BAZ2B: variants seen among roughly 807,000 people sequenced by gnomAD.
BAZ2B encodes bromodomain adjacent to zinc finger domain 2B.
BAZ2B carries 91 observed loss-of-function variants against 246.0 expected under a neutral mutation model. The ratio of observed to expected loss-of-function variants is 0.37; its 90% CI spans 0.31 to 0.44. The LOEUF is 0.44. Among genes scored for constraint, BAZ2B ranks in the 20% least tolerant of loss-of-function variants. The pLI, the probability that BAZ2B is intolerant of heterozygous loss-of-function variation, is 1.00. For synonymous variants in BAZ2B, 855 were observed against 860.0 expected, an observed-to-expected ratio of 0.99 and a Z score of 0.10; for missense variants, 2,332 against 2,533.7, an observed-to-expected ratio of 0.92 and a Z score of 1.71.
rs549201931 is a variant in BAZ2B, at chr2:159,605,844, T to C, written c.-46+10398A>G. Among the ~76,000 whole-genome samples the C allele has an allele frequency of 5.9e-5, 9 of 152,344 alleles. No homozygotes were observed. In the South Asian group the frequency reaches 8.3e-4, roughly 14 times the overall value. On this transcript the variant is annotated intron_variant, in intron 1 of 36. Transcript: ENST00000392783. ...TTTCACACACAGTACAAAAACATTT[T>C]CACGTTCTTTAAAACAATTCTTCTC...
the BAZ2B span, among the ~76,000 whole-genome samples, chr2:159,629,517 C>T: frequency 1.3e-5 from 2 of 152,300 alleles, no homozygotes; most frequent in African/African-American, 4.8e-5. Flanking sequence ...AGTTCATGTC[C>T]TTTGCAGGCA....
At chr2:159,709,034 T>C in the BAZ2B span, among the ~76,000 whole-genome samples, 1 of 152,272 alleles carries the variant, frequency 6.6e-6, no homozygotes, top group East Asian at 1.9e-4. Flanking sequence ...GAGTTTATTA[T>C]TTTTGTTATG....
At chr2:159,649,592 C>G in the BAZ2B span, among the ~76,000 whole-genome samples, 16 of 152,244 alleles carry the variant, frequency 1.1e-4, no homozygotes, top group African/African-American at 3.4e-4. Flanking sequence ...GGGACCCCTG[C>G]TGTAGGTCAT....
At chr2:159,546,058 A>C (rs965451562) in intron 2 of BAZ2B, among the ~76,000 whole-genome samples, 1 of 152,210 alleles carries the variant, frequency 6.6e-6, no homozygotes, top group African/African-American at 2.4e-5. Flanking sequence ...GAATCATTAT[A>C]GTCAACATAA....
chr2:159,602,182 A>G (rs1004226511), intron 1 of BAZ2B, among the ~76,000 whole-genome samples: 1 of 152,202 alleles, frequency 6.6e-6, no homozygotes, highest in African/African-American at 2.4e-5. Flanking sequence ...GAAAAAAATG[A>G]TACACTGGTC....
chr2:159,629,490 G>A, the BAZ2B span, among the ~76,000 whole-genome samples: 4 of 152,082 alleles, frequency 2.6e-5, no homozygotes, highest in East Asian at 1.9e-4. Context: ...AATACTATGC[G>A]GCCATATAAA....
In BAZ2B at chr2:159,355,034, G is replaced by A. The variant is rs116641726; in HGVS notation, c.4214-4677C>T. ...TGTTAGTTCACTTAATTGTTCTCAC[G>A]GGATTCTGGGGGTCAATCATTCTTG... On this transcript the variant is annotated intron_variant, in intron 27 of 36. Transcript: ENST00000392783. Among the ~76,000 whole-genome samples the A allele has an allele frequency of 1.4e-3, 218 of 152,252 alleles. 1 individual carries two copies. The highest frequency in any genetic ancestry group is 4.7e-3 in the African/African-American group (195 of 41,532).
chr2:159,608,356 C>T (rs1335974291), intron 1 of BAZ2B, among the ~76,000 whole-genome samples: 1 of 152,214 alleles, frequency 6.6e-6, no homozygotes, highest in Non-Finnish European at 1.5e-5. Context: ...GCCTGGACAA[C>T]AGAGTGAGAC....
intron 3 of BAZ2B, among the ~76,000 whole-genome samples, chr2:159,470,088 C>G (rs2077586168): frequency 6.6e-6 from 1 of 152,098 alleles, no homozygotes; most frequent in South Asian, 2.1e-4. Context: ...AAAGGATAAC[C>G]CATCATAACC....
At chr2:159,536,125 C>G (rs2085951588) in intron 2 of BAZ2B, 1 of 152,122 alleles carries the variant, frequency 6.6e-6, no homozygotes, top group Non-Finnish European at 1.5e-5. Flanking sequence ...TTATTGTAAA[C>G]AAGTTTGAGG....
At chr2:159,328,224 A>G (rs1458277238) in intron 34 of BAZ2B, among the ~76,000 whole-genome samples, 1 of 152,132 alleles carries the variant, frequency 6.6e-6, no homozygotes, top group Non-Finnish European at 1.5e-5. Context: ...TTATCAAGTT[A>G]CTCTGTTACC....
At chr2:159,669,926 T>TC in the BAZ2B span, among the ~76,000 whole-genome samples, 1 of 152,174 alleles carries the variant, frequency 6.6e-6, no homozygotes, top group Admixed American at 6.6e-5. Flanking sequence ...ATTACTTGGC[T>TC]CTATTATCTC....
chr2:159,652,928 T>G, the BAZ2B span, among the ~76,000 whole-genome samples: 1 of 43,792 alleles, frequency 2.3e-5, no homozygotes, highest in Non-Finnish European at 4.2e-5. Flanking sequence ...CAAATGTCCT[T>G]TTTTATTTTT....
chr2:159,472,031 G>A (rs2077865763), intron 3 of BAZ2B, among the ~76,000 whole-genome samples: 2 of 152,272 alleles, frequency 1.3e-5, no homozygotes, highest in East Asian at 3.9e-4. Context: ...ATAATCAGAT[G>A]AGTTCAAATG....
intron 25 of BAZ2B, among the ~76,000 whole-genome samples, chr2:159,380,893 T>C (rs1559181548): frequency 6.6e-6 from 1 of 152,198 alleles, no homozygotes; most frequent in South Asian, 2.1e-4. Context: ...TTTGCCCATA[T>C]ACTCTTTGCT....
chr2:159,551,440 G>T (rs2088218957), intron 2 of BAZ2B, among the ~76,000 whole-genome samples: 1 of 134,386 alleles, frequency 7.4e-6, no homozygotes, highest in Non-Finnish European at 1.5e-5. Context: ...CTGCACTCCA[G>T]CCTGGGTGAC....
intron 27 of BAZ2B, among the ~76,000 whole-genome samples, chr2:159,363,369 G>GAAA (rs2059912818): frequency 6.6e-6 from 1 of 152,208 alleles, no homozygotes; most frequent in Non-Finnish European, 1.5e-5. Flanking sequence ...CAGGGTTTGA[G>GAAA]TAGAGAATCC....
intron 1 of BAZ2B, among the ~76,000 whole-genome samples, chr2:159,587,204 G>A (rs958239009): frequency 1.3e-5 from 2 of 151,600 alleles, no homozygotes; most frequent in African/African-American, 2.4e-5. Flanking sequence ...TCAGCCTCCT[G>A]AGTAGCTGGG....
chr2:159,347,296 C>A (rs777870288), intron 31 of BAZ2B, among the ~76,000 whole-genome samples, 190 bp downstream of exon 31: 2 of 151,934 alleles, frequency 1.3e-5, no homozygotes, highest in Non-Finnish European at 2.9e-5. Context: ...TACTATATGA[C>A]CATTGGCACA....
Sources: gnomAD v4.1 joint callset for allele counts (sites outside exome capture counted in the v4.1 genomes callset) on GRCh38, gnomAD v4.1.1 for gene constraint, MANE v1.5 for transcripts, NCBI Gene and HGNC (gene_info 2026-07-23, HGNC 2026-07-21) for gene names.